The following CDK1 variants were observed in gnomAD, a reference collection of about 807,000 sequenced individuals.
CDK1 encodes the protein cyclin dependent kinase 1, also known as cyclin-dependent kinase 1.
In CDK1, 5 loss-of-function variants were observed where a neutral mutation model predicts 34.6. The observed-to-expected ratio is 0.14, with a 90% CI of 0.08 to 0.30. CDK1 has a LOEUF of 0.30. Among genes scored for constraint, CDK1 ranks in the 10% least tolerant of loss-of-function variants. The pLI, the probability that CDK1 is intolerant of heterozygous loss-of-function variation, is 1.00. For synonymous variants in CDK1, 108 were observed against 114.7 expected (o/e 0.94, Z 0.37); for missense variants, 157 against 345.7 (o/e 0.45, Z 4.33).
chr10:60,784,985 A>G (rs1266265730), intron 3 of CDK1, 124 bp downstream of exon 3: 2 of 805,252 alleles, frequency 2.5e-6, no homozygotes, highest in Non-Finnish European at 4.0e-6. Flanking sequence ...CTAGAACCCT[A>G]TTTTTGGTAG....
intron 7 of CDK1, among the ~76,000 whole-genome samples, chr10:60,792,910 C>T (rs1203614756): frequency 6.6e-6 from 1 of 152,086 alleles, no homozygotes; most frequent in African/African-American, 2.4e-5. Flanking sequence ...TGGCATTGTT[C>T]TGTGCATCAT....
At chr10:60,781,761 C>T (rs1010787461) in intron 2 of CDK1, among the ~76,000 whole-genome samples, 2 of 150,944 alleles carry the variant, frequency 1.3e-5, no homozygotes, top group African/African-American at 5.0e-5. Flanking sequence ...TTTTTATCTC[C>T]TCCTCTAGTC....
intron 5 of CDK1, among the ~76,000 whole-genome samples, chr10:60,789,892 C>G (rs1200948224): frequency 6.6e-6 from 1 of 152,194 alleles, no homozygotes; most frequent in Non-Finnish European, 1.5e-5. Context: ...GTTGCCCTTT[C>G]TCTGCATCCT....
At chr10:60,792,688 T>A (rs2132076222) in intron 7 of CDK1, among the ~76,000 whole-genome samples, 1 of 152,242 alleles carries the variant, frequency 6.6e-6, no homozygotes, top group East Asian at 1.9e-4. Context: ...GAATAAGCTT[T>A]ATTCGCACTT....
Position 60,792,271 on chromosome 10 carries a change from T to C in CDK1, c.777T>C (p.Asn259=), listed in dbSNP as rs755852078. The C allele has an allele frequency of 6.2e-6, 10 of 1,609,230 alleles. No homozygotes were observed. The highest frequency in any genetic ancestry group is 7.6e-6 in the Non-Finnish European group (9 of 1,178,514). ...CCCATGTCAAAAACTTGGATGAAAA[T>C]GGCTTGGATTTGCTCTCGGTAAGGA... The part of the protein sequence containing the change: ...LASHVKNLDE[N]GLDLLSKMLI... Residue 259 remains asparagine (N), a synonymous_variant, in exon 7 of 8, where the codon AAT becomes AAC. Transcript: ENST00000395284.
Position 60,784,839 on chromosome 10 carries a change from C to A in CDK1, c.172C>A (p.Leu58Ile), listed in dbSNP as rs1173075218. The A allele has an allele frequency of 1.2e-6, 2 of 1,613,228 alleles. No homozygotes were observed. The highest frequency in any genetic ancestry group is 1.7e-6 in the Non-Finnish European group (2 of 1,179,402). The change falls in exon 3 of 8, where the codon CTT (leucine) becomes ATT (isoleucine). Residue 58 changes from leucine to isoleucine, a missense_variant. Physicochemically the swap from Leu to Ile is conservative, Grantham distance 5 (BLOSUM62 2). Around this residue, in one of 3 missense-constraint regions of CDK1, gnomAD observed 53 missense variants for 89.2 expected, o/e 0.59. Transcript: ENST00000395284. ...AIREISLLKE[L>I]RHPNIVSLQD... ...TCGGGAAATTTCTCTATTAAAGGAA[C>A]TTCGTCATCCAAATATAGTCAGGTA... is the stretch of plus-strand genomic sequence containing the variant.
In CDK1 at chr10:60,784,797, G is replaced by T; in HGVS notation, c.130G>T (p.Val44Phe). 1 of 1,600,754 alleles carries T rather than the reference G, an allele frequency of 6.2e-7. No homozygotes were observed. The highest frequency in any genetic ancestry group is 8.6e-7 in the Non-Finnish European group (1 of 1,168,452). ...CAGACTAGAAAGTGAAGAGGAAGGG[G>T]TTCCTAGTACTGCAATTCGGGAAAT... The part of the protein sequence containing the change: ...KIRLESEEEG[V>F]PSTAIREISL... The change falls in exon 3 of 8, where the codon GTT becomes TTT. Residue 44 changes from valine to phenylalanine, a missense_variant. Around this residue, in one of 3 missense-constraint regions of CDK1, gnomAD observed 53 missense variants for 89.2 expected, o/e 0.59. Coordinates refer to ENST00000395284, the MANE Select transcript of CDK1 (RefSeq NM_001786.5).
chr10:60,784,936 A>T, intron 3 of CDK1, 75 bp downstream of exon 3: 1 of 1,384,842 alleles, frequency 7.2e-7, no homozygotes, highest in Non-Finnish European at 1.0e-6. Flanking sequence ...GGAAATCTTT[A>T]CATTTGCTCA....
chr10:60,781,045 CAT>C (rs970205478), intron 2 of CDK1, among the ~76,000 whole-genome samples: 6 of 118,102 alleles, frequency 5.1e-5, no homozygotes, highest in Non-Finnish European at 8.8e-5. Flanking sequence ...TGTGTGTATA[CAT>C]ATATATATAT....
chr10:60,791,518 A>G (rs3213075), intron 5 of CDK1, among the ~76,000 whole-genome samples: 41,539 of 151,874 alleles, frequency 0.27, 5,990 homozygotes, highest in Middle Eastern at 0.33. Context: ...TATTCATGTT[A>G]TAATGGTACT....
At chr10:60,791,027 A>G (rs1334986427) in intron 5 of CDK1, among the ~76,000 whole-genome samples, 4 of 152,064 alleles carry the variant, frequency 2.6e-5, no homozygotes, top group South Asian at 4.1e-4. Context: ...TTTTGGTTCT[A>G]TATGAATTTT....
At chr10:60,791,398 T>C (rs1257156556) in intron 5 of CDK1, among the ~76,000 whole-genome samples, 1 of 152,130 alleles carries the variant, frequency 6.6e-6, no homozygotes, top group Non-Finnish European at 1.5e-5. Context: ...CTAAGAGTTT[T>C]TGGTGGAGTC....
intron 5 of CDK1, among the ~76,000 whole-genome samples, chr10:60,790,493 C>T (rs1328525168): frequency 6.6e-6 from 1 of 152,192 alleles, no homozygotes; most frequent in Admixed American, 6.5e-5. Context: ...GCAATCCTCC[C>T]GCTTTGGCCT....
At chr10:60,778,701 CG>C (rs1287844230) in intron 1 of CDK1, 131 bp downstream of exon 1, 1 of 151,868 alleles carries the variant, frequency 6.6e-6, no homozygotes, top group Non-Finnish European at 1.5e-5. Flanking sequence ...GGCTGGGCCT[CG>C]GGGGGCGGTG....
chr10:60,789,750 T>C (rs2080343576), intron 5 of CDK1, among the ~76,000 whole-genome samples: 1 of 152,210 alleles, frequency 6.6e-6, no homozygotes, highest in South Asian at 2.1e-4. Flanking sequence ...TTTATTTATT[T>C]TGGACATATA....
At chr10:60,784,567 T>G in intron 2 of CDK1, 138 bp from the exon 3 acceptor site, 6 of 616,762 alleles carry the variant, frequency 9.7e-6, no homozygotes, top group South Asian at 4.7e-5. Flanking sequence ...GAGGAGGAGG[T>G]TGTAGTGAGC....
At chr10:60,780,697 C>T (rs1299224810) in intron 2 of CDK1, among the ~76,000 whole-genome samples, 13 of 152,036 alleles carry the variant, frequency 8.6e-5, no homozygotes, top group Admixed American at 8.5e-4. Context: ...GTCATATAGA[C>T]ATGTTTAAGC....
At chr10:60,792,481 A>C (rs181560113) in intron 7 of CDK1, among the ~76,000 whole-genome samples, 192 bp downstream of exon 7, 1 of 152,040 alleles carries the variant, frequency 6.6e-6, no homozygotes, top group African/African-American at 2.4e-5. Context: ...ATTTAGCATT[A>C]GTTTTTGTTT....
chr10:60,784,923 C>A, intron 3 of CDK1, 62 bp downstream of exon 3: 3 of 1,455,660 alleles, frequency 2.1e-6, no homozygotes, highest in Middle Eastern at 1.9e-4. Context: ...TAAATTTCAA[C>A]TTGGAAATCT....
Sources: gnomAD v4.1 joint callset for allele counts (sites outside exome capture counted in the v4.1 genomes callset) on GRCh38, gnomAD v4.1.1 for gene constraint, gnomAD v4.1.1 regional missense constraint, MANE v1.5 for transcripts, NCBI Gene and HGNC (gene_info 2026-07-23, HGNC 2026-07-21) for gene names.